TRAK1: variants seen among roughly 807,000 people sequenced by gnomAD.
TRAK1 encodes the protein trafficking kinesin-binding protein 1.
A neutral mutation model predicts 92.1 loss-of-function variants in TRAK1; 33 were observed. The ratio of observed to expected loss-of-function variants is 0.36; its 90% CI spans 0.27 to 0.48. TRAK1 has a LOEUF of 0.48. Among genes scored for constraint, TRAK1 ranks in the 20% least tolerant of loss-of-function variants. TRAK1 has a pLI of 0.99. For missense variants in TRAK1, 1,123 were observed against 1,257.9 expected, an observed-to-expected ratio of 0.89 and a Z score of 1.62; for synonymous variants, 521 against 517.3, an observed-to-expected ratio of 1.01 and a Z score of -0.10.
At position 42,204,117 on chromosome 3, in the gene TRAK1, G is replaced by A. The variant is rs377241812; in HGVS notation, c.1744+1365G>A. ...CTCTTTTTTAATTGTTTATTTAGTT[G>A]TAAGCTTGGTGATTGTTTTCTGATC... On this transcript the variant is annotated intron_variant, in intron 13 of 15. Coordinates refer to ENST00000327628, the MANE Select transcript of TRAK1 (RefSeq NM_001042646.3). 1.3e-5 allele frequency: 13 copies of A among 985,750 alleles called. No individual in the cohort carries two copies. The African/African-American group carries it at 1.6e-4, about 12-fold the overall frequency. 61.1% of individuals were successfully genotyped at this position (985,750 alleles called of 1,614,324 possible).
intron 3 of TRAK1, among the ~76,000 whole-genome samples, chr3:42,178,781 C>T (rs1190762299): frequency 7.2e-5 from 11 of 152,072 alleles, no homozygotes. Flanking sequence ...TTGAGACCAG[C>T]CTTGCCAACA....
At chr3:42,036,917 T>G (rs1257386754) in intron 1 of TRAK1, among the ~76,000 whole-genome samples, 1 of 152,180 alleles carries the variant, frequency 6.6e-6, no homozygotes, top group Non-Finnish European at 1.5e-5. Context: ...ACCTGGCTAA[T>G]TTTTATTTAT....
At chr3:42,162,902 A>G (rs149864782) in intron 2 of TRAK1, among the ~76,000 whole-genome samples, 12 of 152,338 alleles carry the variant, frequency 7.9e-5, no homozygotes, top group African/African-American at 2.9e-4. Flanking sequence ...TTATGTAGAT[A>G]CATGTATTAA....
chr3:42,191,430 T>C lies in TRAK1; in HGVS notation c.691-128T>C, dbSNP rs537319513. On this transcript the variant is annotated intron_variant, in intron 6 of 15. Coordinates refer to ENST00000327628, the MANE Select transcript of TRAK1 (RefSeq NM_001042646.3). ...TTTCTGTATTTGAGGGTACGATGGG[T>C]GACAGGTGGGGGAATGCTAAGGGCA... 45 of 672,160 alleles carry C rather than the reference T, an allele frequency of 6.7e-5. No homozygotes were observed. The South Asian group carries it at 9.0e-4, about 13-fold the overall frequency. The allele number at this position is 672,160 out of a possible 1,614,324, so 41.6% of individuals were successfully genotyped here.
intron 2 of TRAK1, among the ~76,000 whole-genome samples, chr3:42,133,200 C>T (rs1576530047): frequency 3.9e-5 from 6 of 152,140 alleles, no homozygotes; most frequent in South Asian, 4.2e-4. Context: ...GGATAAAATG[C>T]GGGGTCTTCG....
At chr3:42,220,063 G>A (rs1473280208) in intron 15 of TRAK1, among the ~76,000 whole-genome samples, 2 of 152,078 alleles carry the variant, frequency 1.3e-5, no homozygotes, top group African/African-American at 4.8e-5. Context: ...CAGGCCCTAT[G>A]GCTAAAGTCT....
chr3:42,172,277 T>C (rs1702663547), intron 2 of TRAK1, among the ~76,000 whole-genome samples: 1 of 152,186 alleles, frequency 6.6e-6, no homozygotes, highest in African/African-American at 2.4e-5. Flanking sequence ...CAGTGGTTTC[T>C]TGGGGGCACC....
intron 2 of TRAK1, among the ~76,000 whole-genome samples, chr3:42,154,518 A>C (rs1357382759): frequency 6.6e-6 from 1 of 151,900 alleles, no homozygotes; most frequent in Non-Finnish European, 1.5e-5. Context: ...TCTTCTTGTC[A>C]CCCAGGCGGG....
intron 1 of TRAK1, among the ~76,000 whole-genome samples, chr3:42,062,238 C>G (rs1703477272): frequency 6.6e-6 from 1 of 151,900 alleles, no homozygotes; most frequent in South Asian, 2.1e-4. Flanking sequence ...AACTCTCAAT[C>G]TCTTGGTGAA....
rs75023739 is a variant in TRAK1, at chr3:42,153,099, A to T, written c.287-23715A>T. On this transcript the variant is annotated intron_variant, in intron 2 of 15. Coordinates refer to ENST00000327628, the MANE Select transcript of TRAK1 (RefSeq NM_001042646.3). Reference sequence around the variant, plus strand: ...GTTATTAAGGCCTTTAACAAAAAAAAATCTTTGAAAAGGCTAATGGGGGCC... The same window carrying T: ...GTTATTAAGGCCTTTAACAAAAAAATATCTTTGAAAAGGCTAATGGGGGCC... Among the ~76,000 whole-genome samples, 1,233 of 152,300 alleles carry T rather than the reference A, an allele frequency of 8.1e-3. 18 individuals carry two copies. Among genetic ancestry groups the T allele is most frequent in the African/African-American group, 0.029 (1,185 of 41,546 alleles).
At chr3:42,066,807 C>A (rs569890022) in intron 1 of TRAK1, among the ~76,000 whole-genome samples, 1 of 152,104 alleles carries the variant, frequency 6.6e-6, no homozygotes, top group Non-Finnish European at 1.5e-5. Context: ...TGTTTGGACC[C>A]GTTTCCTAGT....
chr3:42,141,750 C>T (rs957293150), intron 2 of TRAK1, among the ~76,000 whole-genome samples: 4 of 152,140 alleles, frequency 2.6e-5, no homozygotes, highest in Non-Finnish European at 4.4e-5. Flanking sequence ...CCTCTGTGGG[C>T]GTTTTCTCCT....
chr3:42,138,646 G>A (rs1052323556), intron 2 of TRAK1, among the ~76,000 whole-genome samples: 7 of 151,432 alleles, frequency 4.6e-5, no homozygotes, highest in Non-Finnish European at 2.9e-5. Context: ...CAGCACTCCC[G>A]GGGGCTGAGG....
chr3:42,219,430 G>C, intron 14 of TRAK1, 64 bp from the exon 15 acceptor site: 4 of 1,612,344 alleles, frequency 2.5e-6, no homozygotes, highest in Non-Finnish European at 3.4e-6. Context: ...TGACATGCTG[G>C]ATTTTAATTT....
chr3:42,134,548 A>G (rs1199443668), intron 2 of TRAK1, among the ~76,000 whole-genome samples: 2 of 139,854 alleles, frequency 1.4e-5, no homozygotes, highest in East Asian at 2.2e-4. Context: ...AAGTGCTGGG[A>G]TTACAGGTGT....
At chr3:42,194,291 C>G (rs1396851143) in intron 9 of TRAK1, among the ~76,000 whole-genome samples, 2 of 152,166 alleles carry the variant, frequency 1.3e-5, no homozygotes, top group African/African-American at 4.8e-5. Context: ...GTCACCCAGG[C>G]TGGAGTACAG....
At chr3:42,194,654 T>C in intron 9 of TRAK1, 150 bp from the exon 10 acceptor site, 1 of 832,056 alleles carries the variant, frequency 1.2e-6, no homozygotes, top group Non-Finnish European at 1.7e-6. Context: ...TTGAAAATTC[T>C]GTTATTTGGC....
chr3:42,188,264 C>T, intron 5 of TRAK1, 119 bp downstream of exon 5: 1 of 891,076 alleles, frequency 1.1e-6, no homozygotes, highest in South Asian at 1.4e-5. Flanking sequence ...CTGCTCTCAG[C>T]CTTCTCTGGA....
rs986108038 is a variant in TRAK1, at chr3:42,203,724, T to C, written c.1744+972T>C. The C allele has an allele frequency of 4.1e-6, 4 of 983,984 alleles. No homozygotes were observed. The African/African-American group carries it at 5.3e-5, about 13-fold the overall frequency. The allele number at this position is 983,984 out of a possible 1,614,324, so 61.0% of individuals were successfully genotyped here. A position where few individuals can be genotyped will look rare whatever the true frequency, so the allele number is the denominator to read the frequency against. On this transcript the variant is annotated intron_variant, in intron 13 of 15. Coordinates refer to ENST00000327628, the MANE Select transcript of TRAK1 (RefSeq NM_001042646.3). The stretch of plus-strand genomic sequence containing the variant: ...ACTTTCCCAACTTTAAAAAAATTAT[T>C]GTCCCCTCTAAGGAGCCTTCTTAGA...
Sources: allele counts gnomAD v4.1 joint callset (sites outside exome capture counted in the v4.1 genomes callset), GRCh38; gene constraint gnomAD v4.1.1; transcripts MANE v1.5; gene names NCBI Gene and HGNC (gene_info 2026-07-23, HGNC 2026-07-21).